The following MAGI2 variants were observed in gnomAD, a reference collection of about 807,000 sequenced individuals.
MAGI2 encodes membrane associated guanylate kinase, WW and PDZ domain containing 2.
MAGI2 carries 35 observed loss-of-function variants against 133.3 expected under a neutral mutation model. The ratio of observed to expected loss-of-function variants is 0.26; its 90% CI spans 0.20 to 0.35. The LOEUF is 0.35. Ranked by LOEUF, MAGI2 falls within the 10% of genes least tolerant of loss-of-function variation. MAGI2 has a pLI of 1.00. For missense variants in MAGI2, 1,636 were observed against 1,863.4 expected (o/e 0.88, Z 2.25); for synonymous variants, 729 against 710.6 (o/e 1.03, Z -0.41).
intron 3 of MAGI2, among the ~76,000 whole-genome samples, chr7:78,589,990 T>C (rs1803827938): frequency 1.3e-5 from 2 of 152,196 alleles, no homozygotes; most frequent in South Asian, 4.2e-4. Flanking sequence ...GAAACTGGAG[T>C]TCAGAAAACA....
intron 9 of MAGI2, among the ~76,000 whole-genome samples, chr7:78,342,451 A>T (rs1208375082): frequency 6.6e-6 from 1 of 152,210 alleles, no homozygotes; most frequent in Non-Finnish European, 1.5e-5. Context: ...TAGCAATCCC[A>T]TTACTATATA....
intron 2 of MAGI2, among the ~76,000 whole-genome samples, chr7:78,906,156 C>G (rs1797979020): frequency 6.6e-6 from 1 of 152,148 alleles, no homozygotes; most frequent in African/African-American, 2.4e-5. Context: ...AAAATGTAGG[C>G]ATGTTGATTG....
At chr7:78,981,002 T>A (rs113511688) in intron 2 of MAGI2, among the ~76,000 whole-genome samples, 1 of 151,622 alleles carries the variant, frequency 6.6e-6, no homozygotes, top group African/African-American at 2.4e-5. Context: ...TTGTTGAAAG[T>A]TTTGCTTAGT....
intron 20 of MAGI2, among the ~76,000 whole-genome samples, chr7:78,095,761 C>T (rs1817638523): frequency 3.3e-5 from 5 of 152,196 alleles, no homozygotes; most frequent in Admixed American, 3.3e-4. Flanking sequence ...AAGGAGGTGG[C>T]TGGCCTCACT....
At chr7:78,660,665 G>A (rs542552096) in intron 2 of MAGI2, among the ~76,000 whole-genome samples, 21 of 152,090 alleles carry the variant, frequency 1.4e-4, no homozygotes, top group Non-Finnish European at 2.8e-4. Flanking sequence ...AGTAAAATGG[G>A]TATATTCCAT....
intron 6 of MAGI2, among the ~76,000 whole-genome samples, chr7:78,449,161 T>C (rs747478280): frequency 3.3e-5 from 5 of 151,984 alleles, no homozygotes; most frequent in Non-Finnish European, 7.4e-5. Context: ...GTGGCTAACC[T>C]GATAAGGGCT....
At chr7:78,777,459 A>G (rs1257168480) in intron 2 of MAGI2, among the ~76,000 whole-genome samples, 1 of 152,132 alleles carries the variant, frequency 6.6e-6, no homozygotes, top group Non-Finnish European at 1.5e-5. Flanking sequence ...CACCACCATT[A>G]TCACTGTCAC....
rs1470629873 is a variant in MAGI2, at chr7:78,132,819, G to A, written c.3203+70C>T. Reference sequence around the variant, plus strand: ...TCTCTCTCTCTGCCTGTCCTGTGCTGTCCCCAAATACTCCCTCCTTTCCCC... The same window carrying A: ...TCTCTCTCTCTGCCTGTCCTGTGCTATCCCCAAATACTCCCTCCTTTCCCC... On this transcript the variant is annotated intron_variant, in intron 18 of 21. Coordinates refer to ENST00000354212, the MANE Select transcript of MAGI2 (RefSeq NM_012301.4). The A allele has an allele frequency of 1.9e-6, 3 of 1,607,730 alleles. No individual in the cohort carries two copies. The East Asian group carries it at 6.7e-5, about 36-fold the overall frequency.
chr7:78,847,722 A>G (rs1792747678), intron 2 of MAGI2, among the ~76,000 whole-genome samples: 1 of 151,726 alleles, frequency 6.6e-6, no homozygotes, highest in South Asian at 2.1e-4. Flanking sequence ...TTTCCTGATC[A>G]CTCTATCTAA....
At chr7:78,414,505 A>G (rs1798125402) in intron 6 of MAGI2, among the ~76,000 whole-genome samples, 1 of 151,994 alleles carries the variant, frequency 6.6e-6, no homozygotes, top group African/African-American at 2.4e-5. Flanking sequence ...ATATAAATAT[A>G]TATTATGCTT....
chr7:78,393,512 C>A (rs935636466), intron 6 of MAGI2, among the ~76,000 whole-genome samples: 12 of 152,124 alleles, frequency 7.9e-5, no homozygotes, highest in African/African-American at 2.9e-4. Flanking sequence ...ACTGGTTTTG[C>A]CACCTTTCTT....
chr7:79,205,756 GGT>G (rs113762722), intron 1 of MAGI2, among the ~76,000 whole-genome samples: 4,540 of 147,454 alleles, frequency 0.031, 246 homozygotes, highest in African/African-American at 0.1. Context: ...AATGTAGAGG[GGT>G]GTGTGTGTGT....
intron 2 of MAGI2, among the ~76,000 whole-genome samples, chr7:78,871,561 T>C (rs929449269): frequency 1.3e-5 from 2 of 151,654 alleles, no homozygotes; most frequent in Non-Finnish European, 2.9e-5. Context: ...AATGATTCTG[T>C]GAACAAAAAA....
At chr7:78,242,598 TTTGA>T (rs1791275091) in intron 10 of MAGI2, among the ~76,000 whole-genome samples, 1 of 152,222 alleles carries the variant, frequency 6.6e-6, no homozygotes, top group Non-Finnish European at 1.5e-5. Flanking sequence ...GAATATCCAC[TTTGA>T]TTTTCTCCTA....
intron 6 of MAGI2, among the ~76,000 whole-genome samples, chr7:78,449,414 A>G (rs997392979): frequency 8.5e-5 from 13 of 152,228 alleles, no homozygotes; most frequent in African/African-American, 1.9e-4. Flanking sequence ...ACTTTGTGCC[A>G]TTCCATAAAA....
At chr7:79,073,922 C>A (rs575718319) in intron 1 of MAGI2, among the ~76,000 whole-genome samples, 9 of 151,954 alleles carry the variant, frequency 5.9e-5, no homozygotes, top group African/African-American at 1.9e-4. Context: ...TCTTATTAAT[C>A]TTTTTGATGT....
intron 9 of MAGI2, among the ~76,000 whole-genome samples, chr7:78,257,829 C>T (rs117971489): frequency 0.012 from 1,827 of 152,152 alleles, 13 homozygotes; most frequent in Non-Finnish European, 0.018. Context: ...ATAAGCAACT[C>T]AACAGACATC....
At chr7:78,144,180 A>G (rs545282891) in intron 16 of MAGI2, among the ~76,000 whole-genome samples, 1 of 152,288 alleles carries the variant, frequency 6.6e-6, no homozygotes, top group Non-Finnish European at 1.5e-5. Context: ...AATTAAACAT[A>G]ACCAAAATGG....
At chr7:78,581,179 G>T (rs764352235) in intron 3 of MAGI2, among the ~76,000 whole-genome samples, 6 of 152,140 alleles carry the variant, frequency 3.9e-5, no homozygotes, top group Non-Finnish European at 7.4e-5. Flanking sequence ...AGACTCTGAG[G>T]AAGAGCTGCA....
Sources: allele counts gnomAD v4.1 joint callset (sites outside exome capture counted in the v4.1 genomes callset), GRCh38; gene constraint gnomAD v4.1.1; transcripts MANE v1.5; gene names NCBI Gene and HGNC (gene_info 2026-07-23, HGNC 2026-07-21).